The following GAPVD1 variants were observed in gnomAD, a reference collection of about 807,000 sequenced individuals.
GAPVD1 encodes the protein GTPase activating protein and VPS9 domains 1.
Under a neutral mutation model 155.5 loss-of-function variants are expected in GAPVD1, and 35 were observed. The observed-to-expected ratio is 0.23, with a 90% CI of 0.17 to 0.30. The LOEUF (loss-of-function observed/expected upper bound fraction) is 0.30, where lower values mean the gene tolerates loss of function less well. Among genes scored for constraint, GAPVD1 ranks in the 10% least tolerant of loss-of-function variants. GAPVD1 has a pLI of 1.00. For synonymous variants in GAPVD1, 636 were observed against 619.7 expected, an observed-to-expected ratio of 1.03 and a Z score of -0.39; for missense variants, 1,429 against 1,775.7, an observed-to-expected ratio of 0.80 and a Z score of 3.51.
intron 1 of GAPVD1, among the ~76,000 whole-genome samples, chr9:125,262,400 C>T (rs1426838741): frequency 6.6e-6 from 1 of 152,194 alleles, no homozygotes; most frequent in East Asian, 1.9e-4. Context: ...GGTCTGGGGG[C>T]AGCCCACCTA....
intron 2 of GAPVD1, among the ~76,000 whole-genome samples, chr9:125,271,548 TTTTTTTA>T (rs540097987): frequency 1.3e-5 from 2 of 152,144 alleles, no homozygotes; most frequent in South Asian, 2.1e-4. Flanking sequence ...GATTAACTTA[TTTTTTTA>T]TTTTTTATTT....
At chr9:125,290,685 C>T (rs577103456) in intron 2 of GAPVD1, among the ~76,000 whole-genome samples, 1 of 152,206 alleles carries the variant, frequency 6.6e-6, no homozygotes, top group South Asian at 2.1e-4. Flanking sequence ...CAACAGTAAG[C>T]GTCCATCTAG....
intron 9 of GAPVD1, among the ~76,000 whole-genome samples, chr9:125,315,354 G>A (rs750900249): frequency 1.3e-5 from 2 of 152,192 alleles, no homozygotes; most frequent in Non-Finnish European, 2.9e-5. Context: ...ACAAAGGAAT[G>A]CTTAATGAAG....
chr9:125,263,528 G>GTTT (rs74902151), intron 1 of GAPVD1: 19 of 697,588 alleles, frequency 2.7e-5, no homozygotes, highest in East Asian at 6.0e-5. Context: ...AAGAACTGTT[G>GTTT]TTTTTTTTTT....
At chr9:125,322,167 C>T (rs1180216531) in intron 10 of GAPVD1, among the ~76,000 whole-genome samples, 1 of 152,058 alleles carries the variant, frequency 6.6e-6, no homozygotes, top group Non-Finnish European at 1.5e-5. Flanking sequence ...CGGGTTCACG[C>T]CATTCTCCTG....
chr9:125,332,753 C>CA, intron 15 of GAPVD1, 124 bp downstream of exon 15: 1 of 747,452 alleles, frequency 1.3e-6, no homozygotes, highest in Non-Finnish European at 2.2e-6. Context: ...TTGTCAGTAT[C>CA]TATTTAAGGT....
chr9:125,334,610 CAA>C (rs527943167), intron 15 of GAPVD1, among the ~76,000 whole-genome samples: 11 of 152,016 alleles, frequency 7.2e-5, no homozygotes, highest in Non-Finnish European at 1.5e-4. Context: ...CAAAAATTAA[CAA>C]AGTGTGGCCA....
intron 1 of GAPVD1, chr9:125,264,166 A>C: frequency 3.0e-6 from 2 of 671,102 alleles, no homozygotes; most frequent in Non-Finnish European, 5.4e-6. Context: ...TCAGGGAGAT[A>C]AAAAATTTGG....
chr9:125,351,117 A>G (rs920092230), intron 23 of GAPVD1, among the ~76,000 whole-genome samples: 1 of 152,220 alleles, frequency 6.6e-6, no homozygotes, highest in Non-Finnish European at 1.5e-5. Flanking sequence ...CCTCACAATC[A>G]TGGCGGAAGG....
intron 8 of GAPVD1, chr9:125,308,119 T>A: frequency 1.8e-6 from 1 of 557,044 alleles, no homozygotes; most frequent in Non-Finnish European, 3.1e-6. Context: ...CACAGTATAC[T>A]TTCTTTAAAT....
chr9:125,352,612 T>C (rs1334131645), intron 23 of GAPVD1, among the ~76,000 whole-genome samples: 1 of 152,200 alleles, frequency 6.6e-6, no homozygotes, highest in African/African-American at 2.4e-5. Context: ...TCTGGGCCTG[T>C]GATGAGAGGG....
intron 14 of GAPVD1, 127 bp from the exon 15 acceptor site, chr9:125,332,383 C>G (rs965994984): frequency 1.4e-6 from 1 of 711,696 alleles, no homozygotes; most frequent in Admixed American, 2.8e-5. Flanking sequence ...GGATATAATA[C>G]TAAACTCACA....
intron 1 of GAPVD1, among the ~76,000 whole-genome samples, chr9:125,264,848 A>T (rs530694853): frequency 6.6e-6 from 1 of 150,952 alleles, no homozygotes; most frequent in Non-Finnish European, 1.5e-5. Context: ...CCTCCCAGGT[A>T]GCTGGGACTA....
intron 8 of GAPVD1, among the ~76,000 whole-genome samples, chr9:125,310,439 T>A (rs1842488398): frequency 6.6e-6 from 1 of 152,218 alleles, no homozygotes; most frequent in African/African-American, 2.4e-5. Context: ...TATGTCTGTA[T>A]TTTTTATTAT....
At position 125,272,437 on chromosome 9, in the gene GAPVD1, C is replaced by G. The variant is rs140767786; in HGVS notation, c.-150+3453C>G. ...AAGTCCTTTTAATATCTAACTATTGCAGGTTGTGATAGGCCAACTTGGATT... is the reference window on the plus strand; with the variant it reads ...AAGTCCTTTTAATATCTAACTATTGGAGGTTGTGATAGGCCAACTTGGATT... On this transcript the variant is annotated intron_variant, in intron 2 of 27. Coordinates refer to ENST00000297933, the MANE Select transcript of GAPVD1 (RefSeq NM_001282680.3). Among the ~76,000 whole-genome samples the G allele has an allele frequency of 1.6e-3, 248 of 152,262 alleles. 1 individual carries two copies. Among genetic ancestry groups the G allele is most frequent in the African/African-American group, 5.6e-3 (231 of 41,556 alleles).
intron 2 of GAPVD1, 28 bp downstream of exon 2, chr9:125,269,012 T>C (rs572189689): frequency 6.6e-6 from 1 of 152,208 alleles, no homozygotes; most frequent in East Asian, 1.9e-4. Context: ...AATATTTTTT[T>C]AAAATAATTT....
At chr9:125,317,484 G>A (rs984558820) in intron 9 of GAPVD1, among the ~76,000 whole-genome samples, 1 of 151,804 alleles carries the variant, frequency 6.6e-6, no homozygotes, top group Non-Finnish European at 1.5e-5. Context: ...AATTAGCCAG[G>A]CCTGGTGGCA....
chr9:125,280,662 G>A (rs868234753), intron 2 of GAPVD1, among the ~76,000 whole-genome samples: 9 of 148,070 alleles, frequency 6.1e-5, no homozygotes, highest in South Asian at 2.1e-4. Context: ...TGCAAACTCC[G>A]CCTCCTGGGT....
At position 125,302,033 on chromosome 9, in the gene GAPVD1, A is replaced by G; in HGVS notation, c.236A>G (p.Asp79Gly). ...ECCQHAKILEDTQFVDGYKQL... is the reference protein window; with the variant it reads ...ECCQHAKILEGTQFVDGYKQL... ...TGCCAACATGCCAAAATTTTGGAAG[A>G]TACACAATTTGTTGATGGGTATAAG... The change falls in exon 5 of 28, where the codon GAT becomes GGT. Residue 79 changes from aspartate (D) to glycine (G), a missense_variant. By Grantham distance (94) the Asp-to-Gly change is moderately conservative (BLOSUM62 -1). Coordinates refer to ENST00000297933, the MANE Select transcript of GAPVD1 (RefSeq NM_001282680.3). 2 of 1,608,462 alleles carry G rather than the reference A, an allele frequency of 1.2e-6. No individual in the cohort carries two copies. The highest frequency in any genetic ancestry group is 1.7e-6 in the Non-Finnish European group (2 of 1,178,226).
Sources: allele counts gnomAD v4.1 joint callset (sites outside exome capture counted in the v4.1 genomes callset), GRCh38; gene constraint gnomAD v4.1.1; transcripts MANE v1.5; gene names NCBI Gene and HGNC (gene_info 2026-07-23, HGNC 2026-07-21).